The following ADARB2 variants were observed in gnomAD, a reference collection of about 807,000 sequenced individuals.
The protein encoded by ADARB2 is adenosine deaminase RNA specific B2 (inactive).
ADARB2 carries 25 observed loss-of-function variants against 62.2 expected under a neutral mutation model. That is an observed-to-expected ratio of 0.40 (90% CI 0.29 to 0.56). ADARB2 has a LOEUF of 0.56. Ranked by LOEUF, ADARB2 falls within the 20% of genes least tolerant of loss-of-function variation. The pLI is 0.43. For missense variants in ADARB2, 1,071 were observed against 1,077.4 expected, an observed-to-expected ratio of 0.99 and a Z score of 0.08; for synonymous variants, 572 against 500.8, an observed-to-expected ratio of 1.14 and a Z score of -1.90.
intron 1 of ADARB2, among the ~76,000 whole-genome samples, chr10:1,565,133 A>G (rs1832841471): frequency 6.6e-6 from 1 of 152,198 alleles, no homozygotes; most frequent in South Asian, 2.1e-4. Context: ...AATTTGCTTG[A>G]TAACATTTTA....
At chr10:1,509,960 C>A (rs566450976) in intron 1 of ADARB2, among the ~76,000 whole-genome samples, 1 of 152,120 alleles carries the variant, frequency 6.6e-6, no homozygotes, top group South Asian at 2.1e-4. Flanking sequence ...GAGGTTCTGA[C>A]GTCTTAAAAT....
intron 3 of ADARB2, among the ~76,000 whole-genome samples, chr10:1,293,616 CTAATT>C (rs972682328): frequency 2.6e-5 from 4 of 152,168 alleles, no homozygotes; most frequent in Non-Finnish European, 5.9e-5. Context: ...AAAACCAAAA[CTAATT>C]TATTTTTTGT....
intron 1 of ADARB2, among the ~76,000 whole-genome samples, chr10:1,722,047 C>T (rs7904692): frequency 0.98 from 149,202 of 152,292 alleles, 73,160 homozygotes; most frequent in East Asian, 1. Context: ...TTATGTAAAA[C>T]GACTTTATAA....
intron 1 of ADARB2, among the ~76,000 whole-genome samples, chr10:1,573,779 C>T (rs1388806118): frequency 6.6e-6 from 1 of 152,172 alleles, no homozygotes; most frequent in African/African-American, 2.4e-5. Context: ...GGGGCCAGGA[C>T]TGGGGCACCC....
intron 6 of ADARB2, among the ~76,000 whole-genome samples, chr10:1,222,968 T>C (rs934236975): frequency 3.9e-5 from 6 of 152,166 alleles, no homozygotes; most frequent in Non-Finnish European, 8.8e-5. Flanking sequence ...CATTGGTAGC[T>C]TGATGGGGAT....
intron 7 of ADARB2, among the ~76,000 whole-genome samples, chr10:1,206,550 G>T (rs1203437577): frequency 6.6e-6 from 1 of 151,940 alleles, no homozygotes; most frequent in Non-Finnish European, 1.5e-5. Context: ...TGCCTGTGCG[G>T]TCTGAGAGAA....
intron 1 of ADARB2, among the ~76,000 whole-genome samples, chr10:1,412,159 TGAGGCTCGG>T (rs1478861644): frequency 6.6e-6 from 1 of 152,142 alleles, no homozygotes; most frequent in Non-Finnish European, 1.5e-5. Context: ...TCCGCTGAGC[TGAGGCTCGG>T]GACGATGCTG....
chr10:1,233,883 A>G, intron 5 of ADARB2, 38 bp from the exon 6 acceptor site: 1 of 1,591,824 alleles, frequency 6.3e-7, no homozygotes. Flanking sequence ...TTTATCACAA[A>G]CCAAACCAGA....
intron 1 of ADARB2, among the ~76,000 whole-genome samples, chr10:1,461,319 G>C (rs554919916): frequency 6.6e-6 from 1 of 152,152 alleles, no homozygotes; most frequent in African/African-American, 2.4e-5. Flanking sequence ...ATCAGAACAC[G>C]TGTACTTGTC....
intron 3 of ADARB2, among the ~76,000 whole-genome samples, chr10:1,316,048 T>C (rs2131825240): frequency 6.6e-6 from 1 of 152,364 alleles, no homozygotes; most frequent in East Asian, 1.9e-4. Flanking sequence ...GGCTTTTATG[T>C]CAGGATTTTG....
At chr10:1,349,275 T>C (rs1432761108) in intron 3 of ADARB2, among the ~76,000 whole-genome samples, 2 of 151,988 alleles carry the variant, frequency 1.3e-5, no homozygotes, top group East Asian at 3.9e-4. Flanking sequence ...TTCCTTTACC[T>C]ACCCAAATCT....
rs537598717 is a variant in ADARB2 at position 1,439,350 on chromosome 10, T to C, written c.101-60190A>G. ...GGAGGCAGGCCCTTCATGATGGGGC[T>C]CCTGAGTCTCCTCAGCAGGTGGAGG... On this transcript the variant is annotated intron_variant, in intron 1 of 9. Coordinates refer to ENST00000381312, the MANE Select transcript of ADARB2 (RefSeq NM_018702.4). Among the ~76,000 whole-genome samples, 260 of 140,294 alleles carry C rather than the reference T, an allele frequency of 1.9e-3. 2 individuals are homozygous for C. Among genetic ancestry groups the C allele is most frequent in the Middle Eastern group, 8.5e-3 (2 of 234 alleles). 92.0% of individuals were successfully genotyped at this position (140,294 alleles called of 152,430 possible). A position where few individuals can be genotyped will look rare whatever the true frequency, so the allele number is the denominator to read the frequency against.
At chr10:1,677,462 G>T (rs1834480619) in intron 1 of ADARB2, among the ~76,000 whole-genome samples, 1 of 152,286 alleles carries the variant, frequency 6.6e-6, no homozygotes, top group African/African-American at 2.4e-5. Context: ...GGGTGTGCAG[G>T]GCTGTCAGCC....
chr10:1,427,539 T>C (rs1313762392), intron 1 of ADARB2, among the ~76,000 whole-genome samples: 1 of 152,230 alleles, frequency 6.6e-6, no homozygotes. Flanking sequence ...ACCATATACC[T>C]GGCAGAATGG....
intron 1 of ADARB2, among the ~76,000 whole-genome samples, chr10:1,713,425 G>A (rs1014161268): frequency 8.5e-5 from 13 of 152,198 alleles, no homozygotes; most frequent in Non-Finnish European, 2.9e-5. Flanking sequence ...GATGGGCAGG[G>A]GGCGAAGCTT....
At chr10:1,248,401 C>A (rs993197117) in intron 4 of ADARB2, among the ~76,000 whole-genome samples, 1 of 138,940 alleles carries the variant, frequency 7.2e-6, no homozygotes, top group Admixed American at 7.1e-5. Flanking sequence ...CTTAGGAAGT[C>A]CTCCTGAGGT....
chr10:1,394,570 G>A (rs1832595410), intron 1 of ADARB2, among the ~76,000 whole-genome samples: 1 of 152,254 alleles, frequency 6.6e-6, no homozygotes, highest in Non-Finnish European at 1.5e-5. Context: ...CAAAGGCCCA[G>A]GAGGGGAGAG....
At chr10:1,572,396 CCAG>C (rs1406750725) in intron 1 of ADARB2, among the ~76,000 whole-genome samples, 1 of 152,088 alleles carries the variant, frequency 6.6e-6, no homozygotes, top group Non-Finnish European at 1.5e-5. Context: ...TGTGACGCCA[CCAG>C]CATATAGAAG....
intron 1 of ADARB2, among the ~76,000 whole-genome samples, chr10:1,492,865 G>A (rs1831640507): frequency 6.6e-6 from 1 of 152,102 alleles, no homozygotes. Flanking sequence ...TTCATGCCAA[G>A]TACCATGAGA....
Sources: allele counts gnomAD v4.1 joint callset (sites outside exome capture counted in the v4.1 genomes callset), GRCh38; gene constraint gnomAD v4.1.1; transcripts MANE v1.5; gene names NCBI Gene and HGNC (gene_info 2026-07-23, HGNC 2026-07-21).